Variants in RACGAP1 observed in about 807,000 individuals in gnomAD.
RACGAP1 encodes Rac GTPase activating protein 1.
Under a neutral mutation model 78.1 loss-of-function variants are expected in RACGAP1, and 30 were observed. That is an observed-to-expected ratio of 0.38 (90% confidence interval 0.29 to 0.52). The LOEUF (loss-of-function observed/expected upper bound fraction) is 0.52. RACGAP1 is among the 20% of genes least tolerant of loss of function. The pLI is 0.82. For synonymous variants in RACGAP1, 231 were observed against 264.8 expected (o/e 0.87, Z 1.24); for missense variants, 587 against 777.1 (o/e 0.76, Z 2.91).
chr12:49,999,259 GGTTGTAAAGT>G lies in RACGAP1; in HGVS notation c.751_760del (p.Thr251LeufsTer8), dbSNP rs750411465. ...GTTCAGGGTGGAGTCACTGTTCCAA[GGTTGTAAAGT>G]ACCTAGAAAACAAGCAACTTTTAAG... On this transcript the variant is annotated frameshift_variant and splice_region_variant, in exon 9 of 17. Coordinates refer to ENST00000312377, the MANE Select transcript of RACGAP1 (RefSeq NM_001319999.2). LOFTEE classifies it high-confidence loss of function. 12 of 1,606,840 alleles carry G rather than the reference GGTTGTAAAGT, an allele frequency of 7.5e-6. No individual in the cohort carries two copies. Among genetic ancestry groups the G allele is most frequent in the Non-Finnish European group, 1.0e-5 (12 of 1,178,338 alleles).
At chr12:50,031,030 T>A (rs1370822740) in intron 2 of RACGAP1, among the ~76,000 whole-genome samples, 1 of 151,612 alleles carries the variant, frequency 6.6e-6, no homozygotes, top group Non-Finnish European at 1.5e-5. Context: ...TCCATCTGCC[T>A]TGGTCTCCCA....
chr12:50,031,290 A>G (rs1033765543), intron 2 of RACGAP1, among the ~76,000 whole-genome samples: 3 of 150,674 alleles, frequency 2.0e-5, no homozygotes, highest in Admixed American at 2.0e-4. Context: ...CAGCCTGGCC[A>G]ACATGGTGAA....
intron 1 of RACGAP1, among the ~76,000 whole-genome samples, chr12:50,023,043 A>G (rs1950090846): frequency 6.6e-6 from 1 of 152,218 alleles, no homozygotes; most frequent in African/African-American, 2.4e-5. Context: ...TTTCTCCTCT[A>G]GCTTAAGTTC....
At chr12:50,027,158 A>C (rs1950283485), upstream of RACGAP1, among the ~76,000 whole-genome samples, 1 of 152,222 alleles carries the variant, frequency 6.6e-6, no homozygotes, top group African/African-American at 2.4e-5. Context: ...GTAAACTGCA[A>C]TACAGATTAT....
At chr12:50,027,247 C>T (rs1950285341), upstream of RACGAP1, among the ~76,000 whole-genome samples, 1 of 152,184 alleles carries the variant, frequency 6.6e-6, no homozygotes, top group African/African-American at 2.4e-5. Flanking sequence ...CTCCTAACAA[C>T]CTTTCAAGGT....
Position 49,992,659 on chromosome 12 carries a change from T to A in RACGAP1, c.1340-4A>T. 6.2e-7 allele frequency: 1 copy of A among 1,605,558 alleles called. No individual in the cohort carries two copies. On this transcript the variant is annotated splice_region_variant and splice_polypyrimidine_tract_variant and intron_variant, in intron 12 of 16. Transcript: ENST00000312377. ...CTGTTGTCTTCATCTGTGATTTCTGTAATTGAAAAGAAAGCACCAAGAGGC... is the reference window on the plus strand; with the variant it reads ...CTGTTGTCTTCATCTGTGATTTCTGAAATTGAAAAGAAAGCACCAAGAGGC...
chr12:49,994,261 C>T lies in RACGAP1; in HGVS notation c.1209G>A (p.Val403=), dbSNP rs756146222. 2.3e-5 allele frequency: 37 copies of T among 1,614,036 alleles called. No homozygotes were observed. The South Asian group carries it at 3.7e-4, about 16-fold the overall frequency. Residue 403 remains valine (V), a synonymous_variant, in exon 12 of 17, where the codon GTG becomes GTA. Transcript: ENST00000312377. ...VKELKEKFLR[V]KTVPLLSKVD... ...CTTTGCTGAGGAGGGGTACAGTTTT[C>T]ACTCTGAGGAATTTCTCTTTCAGCT...
intron 7 of RACGAP1, among the ~76,000 whole-genome samples, chr12:50,000,464 C>G (rs940252353): frequency 6.6e-6 from 1 of 151,948 alleles, no homozygotes; most frequent in Non-Finnish European, 1.5e-5. Context: ...CTGAAACATT[C>G]TTATGTTGAA....
chr12:50,011,554 T>C (rs374788891), intron 2 of RACGAP1, among the ~76,000 whole-genome samples: 1 of 151,936 alleles, frequency 6.6e-6, no homozygotes. Context: ...TGGCAAGACC[T>C]TGTCTCTACA....
chr12:50,026,119 G>C (rs1950260306), upstream of RACGAP1, among the ~76,000 whole-genome samples: 1 of 152,212 alleles, frequency 6.6e-6, no homozygotes, highest in Non-Finnish European at 1.5e-5. Flanking sequence ...CATTGTGCTA[G>C]CACAGGAGCT....
chr12:50,005,266 C>A lies in RACGAP1; in HGVS notation c.415G>T (p.Gly139Trp), dbSNP rs762326710. 1.2e-6 allele frequency: 2 copies of A among 1,614,102 alleles called. No individual in the cohort carries two copies. The highest frequency in any genetic ancestry group is 1.7e-6 in the Non-Finnish European group (2 of 1,180,006). ...NRGQPSSSNA[G>W]NKRLSTIDES... ...ATGCAGTTCCTCCACCTTTTGTTCC[C>A]AGCATTGCTGCTGGATGGTTGGCCT... The change falls in exon 4 of 17, where the codon GGG (glycine) becomes TGG (tryptophan). Residue 139 changes from glycine to tryptophan, a missense_variant. Coordinates refer to ENST00000312377, the MANE Select transcript of RACGAP1 (RefSeq NM_001319999.2).
chr12:49,997,324 G>C, intron 9 of RACGAP1, 120 bp from the exon 10 acceptor site: 1 of 1,325,126 alleles, frequency 7.5e-7, no homozygotes, highest in Non-Finnish European at 9.7e-7. Flanking sequence ...GCCTGGGCTG[G>C]AGTGCAGTGG....
chr12:50,013,353 C>T (rs1421310135), intron 2 of RACGAP1, among the ~76,000 whole-genome samples: 1 of 152,158 alleles, frequency 6.6e-6, no homozygotes, highest in African/African-American at 2.4e-5. Context: ...GAAAAACAGA[C>T]ACAGAAATAA....
intron 1 of RACGAP1, among the ~76,000 whole-genome samples, chr12:50,019,497 T>TGCCTTGCCTTGC (rs1949876629): frequency 1.3e-5 from 2 of 152,090 alleles, no homozygotes; most frequent in African/African-American, 4.8e-5. Flanking sequence ...GAATTTCCAT[T>TGCCTTGCCTTGC]CTACCTCAAC....
At chr12:50,032,679 C>T (rs1256503940) in intron 1 of RACGAP1, among the ~76,000 whole-genome samples, 3 of 152,158 alleles carry the variant, frequency 2.0e-5, no homozygotes, top group Non-Finnish European at 4.4e-5. Flanking sequence ...AGCTTGAGAG[C>T]TTTGAGAGCT....
chr12:50,015,611 C>T (rs975659399), intron 2 of RACGAP1, among the ~76,000 whole-genome samples: 1 of 151,898 alleles, frequency 6.6e-6, no homozygotes, highest in Non-Finnish European at 1.5e-5. Context: ...ACCATCCTGG[C>T]TAACACAGCG....
At chr12:50,010,662 G>T (rs555081351) in intron 2 of RACGAP1, among the ~76,000 whole-genome samples, 1 of 151,716 alleles carries the variant, frequency 6.6e-6, no homozygotes, top group Non-Finnish European at 1.5e-5. Flanking sequence ...GCCAGACACC[G>T]TGGCTCACGC....
At chr12:50,001,039 A>C (rs1212790248) in intron 7 of RACGAP1, 133 bp downstream of exon 7, 1 of 722,350 alleles carries the variant, frequency 1.4e-6, no homozygotes, top group African/African-American at 1.8e-5. Flanking sequence ...CAAGAACAAA[A>C]CTCTGTCTCA....
Position 50,001,154 on chromosome 12 carries a change from T to A in RACGAP1, c.630+18A>T, listed in dbSNP as rs754611984. The A allele has an allele frequency of 1.3e-6, 2 of 1,554,074 alleles. No individual in the cohort carries two copies. Among genetic ancestry groups the A allele is most frequent in the African/African-American group, 2.7e-5 (2 of 73,702 alleles). ...TTGGGGCCAGTAATCTCTGTTACCT[T>A]GGCCTGACTATTCTTACCTGGTCTA... On this transcript the variant is annotated intron_variant, in intron 7 of 16. Coordinates refer to ENST00000312377, the MANE Select transcript of RACGAP1 (RefSeq NM_001319999.2).
Sources: gnomAD v4.1 joint callset for allele counts (sites outside exome capture counted in the v4.1 genomes callset) on GRCh38, gnomAD v4.1.1 for gene constraint, MANE v1.5 for transcripts, NCBI Gene and HGNC (gene_info 2026-07-23, HGNC 2026-07-21) for gene names.